Variants in TSHZ3 observed in about 807,000 individuals in gnomAD.
TSHZ3 encodes teashirt zinc finger homeobox 3.
Under a neutral mutation model 64.5 loss-of-function variants are expected in TSHZ3, and 10 were observed. The ratio of observed to expected loss-of-function variants is 0.16; its 90% CI spans 0.10 to 0.26. The LOEUF is 0.26. Among genes scored for constraint, TSHZ3 ranks in the 10% least tolerant of loss-of-function variants. The probability of loss-of-function intolerance (pLI) is 1.00; values close to 1 mark genes in which losing one functional copy is unlikely to be tolerated. For missense variants in TSHZ3, 1,242 were observed against 1,421.7 expected (o/e 0.87, Z 2.03); for synonymous variants, 608 against 593.1 (o/e 1.03, Z -0.36).
chr19:31,174,054 C>T (rs961931914), intron 5 of TSHZ3, among the ~76,000 whole-genome samples: 20 of 152,234 alleles, frequency 1.3e-4, no homozygotes, highest in Admixed American at 1.2e-3. Flanking sequence ...GGAGACAGAG[C>T]GAGACTCCGT....
At chr19:31,331,132 G>A (rs1917078432) in intron 1 of TSHZ3, among the ~76,000 whole-genome samples, 1 of 152,028 alleles carries the variant, frequency 6.6e-6, no homozygotes, top group Admixed American at 6.6e-5. Flanking sequence ...TGTAACCCTG[G>A]CCTAAGAGAG....
At chr19:31,263,474 A>G (rs187902896) in intron 1 of TSHZ3, among the ~76,000 whole-genome samples, 181 of 152,342 alleles carry the variant, frequency 1.2e-3, no homozygotes, top group Non-Finnish European at 2.1e-3. Flanking sequence ...AGGAGCTGCG[A>G]AGGCATGAAG....
chr19:31,229,763 A>G (rs531221693), intron 3 of TSHZ3, among the ~76,000 whole-genome samples: 1 of 152,236 alleles, frequency 6.6e-6, no homozygotes, highest in Admixed American at 6.5e-5. Context: ...GACAAAAGAC[A>G]TGATTAGAAA....
At chr19:31,258,383 G>T (rs1227600556) in intron 1 of TSHZ3, among the ~76,000 whole-genome samples, 3 of 152,162 alleles carry the variant, frequency 2.0e-5, no homozygotes, top group African/African-American at 7.2e-5. Flanking sequence ...CAGGACTGCT[G>T]CAGGCTGTCT....
At chr19:31,305,594 A>G (rs1485436907) in intron 1 of TSHZ3, 3 of 152,210 alleles carry the variant, frequency 2.0e-5, no homozygotes, top group Non-Finnish European at 4.4e-5. Context: ...CTTAGTTGCT[A>G]AAGAACCCCT....
downstream of TSHZ3, among the ~76,000 whole-genome samples, chr19:31,272,110 AGAT>A (rs1482780453): frequency 6.6e-6 from 1 of 152,218 alleles, no homozygotes; most frequent in Non-Finnish European, 1.5e-5. Flanking sequence ...AAATGTCTAA[AGAT>A]GATAGTTTTC....
upstream of TSHZ3, among the ~76,000 whole-genome samples, chr19:31,350,315 C>T (rs927145067): frequency 6.6e-5 from 10 of 150,812 alleles, no homozygotes; most frequent in African/African-American, 1.5e-4. Context: ...TTTTTTTCCC[C>T]GGACAAACTT....
rs377122234 is a variant in TSHZ3 at position 31,227,638 on chromosome 19, A to T, written n.686+367T>A. On this transcript the variant is annotated intron_variant and non_coding_transcript_variant, in intron 4 of 6. Transcript: ENST00000651361. ...CAATGTTGAACACCAGGGGCTGAAA[A>T]TCTGTTCCACCTGTGGGCTTTATAT... Among the ~76,000 whole-genome samples, 4 of 152,182 alleles carry T rather than the reference A, an allele frequency of 2.6e-5. No individual in the cohort carries two copies. In the East Asian group the frequency reaches 7.8e-4, roughly 30 times the overall value.
At chr19:31,274,327 G>A (rs558404041), downstream of TSHZ3, among the ~76,000 whole-genome samples, 1 of 152,062 alleles carries the variant, frequency 6.6e-6, no homozygotes, top group Non-Finnish European at 1.5e-5. Flanking sequence ...GCTAATAAAA[G>A]CTTGTGATTA....
intron 1 of TSHZ3, among the ~76,000 whole-genome samples, chr19:31,299,055 C>T (rs112722267): frequency 0.065 from 9,908 of 152,164 alleles, 423 homozygotes; most frequent in Non-Finnish European, 0.1. Flanking sequence ...ATTAGCCGGG[C>T]GTGGTAGCGG....
At chr19:31,196,491 T>C (rs953043352) in intron 5 of TSHZ3, among the ~76,000 whole-genome samples, 1 of 152,000 alleles carries the variant, frequency 6.6e-6, no homozygotes, top group African/African-American at 2.4e-5. Flanking sequence ...TCACTTTGAA[T>C]GCCAATGGTT....
At chr19:31,154,958 C>T (rs1177582464) in intron 6 of TSHZ3, among the ~76,000 whole-genome samples, 3 of 152,208 alleles carry the variant, frequency 2.0e-5, no homozygotes, top group Non-Finnish European at 4.4e-5. Flanking sequence ...CCCAACTTCA[C>T]AGGTAAAGAT....
chr19:31,196,106 T>C (rs1157010338), intron 5 of TSHZ3, among the ~76,000 whole-genome samples: 6 of 151,974 alleles, frequency 3.9e-5, no homozygotes, highest in East Asian at 1.9e-4. Context: ...TATACATGTA[T>C]ATATTTATAT....
intron 1 of TSHZ3, 29 bp downstream of exon 1, chr19:31,349,151 G>A (rs778969251): frequency 6.5e-7 from 1 of 1,539,644 alleles, no homozygotes; most frequent in South Asian, 1.2e-5. Context: ...AGGAGGAGGA[G>A]AGCAGAAGGA....
rs1346269082 is a variant in TSHZ3, at chr19:31,276,397, G to A, written c.*150C>T. 4.1e-6 allele frequency: 3 copies of A among 726,714 alleles called. No homozygotes were observed. Among genetic ancestry groups the A allele is most frequent in the Non-Finnish European group, 6.7e-6 (3 of 445,914 alleles). The allele number at this position is 726,714 out of a possible 1,614,324, so 45.0% of individuals were successfully genotyped here. The stretch of plus-strand genomic sequence containing the variant: ...TGATTATGCACCTCTATTAAACACT[G>A]TACAGTTATACAAAACAGTCCAGCC... On this transcript the variant is annotated 3_prime_UTR_variant, in exon 2 of 2. Coordinates refer to ENST00000240587, the MANE Select transcript of TSHZ3 (RefSeq NM_020856.4).
intron 3 of TSHZ3, among the ~76,000 whole-genome samples, chr19:31,233,752 T>G (rs1435954757): frequency 1.4e-4 from 22 of 152,210 alleles, no homozygotes; most frequent in Non-Finnish European, 1.5e-5. Flanking sequence ...AAATTAATTC[T>G]TCAAAACAAC....
downstream of TSHZ3, among the ~76,000 whole-genome samples, chr19:31,270,674 T>C (rs1976123477): frequency 6.6e-6 from 1 of 152,208 alleles, no homozygotes; most frequent in Non-Finnish European, 1.5e-5. Context: ...AAAGAGTAGC[T>C]GCTAGTCACA....
At chr19:31,163,077 G>C (rs1162181821) in intron 5 of TSHZ3, among the ~76,000 whole-genome samples, 1 of 152,236 alleles carries the variant, frequency 6.6e-6, no homozygotes, top group African/African-American at 2.4e-5. Flanking sequence ...GAAACCAGGG[G>C]AGATGAACTC....
At chr19:31,318,533 T>C (rs867322452) in intron 1 of TSHZ3, among the ~76,000 whole-genome samples, 33 of 152,228 alleles carry the variant, frequency 2.2e-4, no homozygotes, top group African/African-American at 7.7e-4. Flanking sequence ...TTCTCTAGAC[T>C]GAGGATCATT....
Sources: gnomAD v4.1 joint callset for allele counts (sites outside exome capture counted in the v4.1 genomes callset) on GRCh38, gnomAD v4.1.1 for gene constraint, MANE v1.5 for transcripts, NCBI Gene and HGNC (gene_info 2026-07-23, HGNC 2026-07-21) for gene names.